The following MMP21 variants were observed in gnomAD, a reference collection of about 807,000 sequenced individuals.
MMP21 encodes matrix metallopeptidase 21, also known as matrix metalloproteinase-21.
Under a neutral mutation model 47.8 loss-of-function variants are expected in MMP21, and 40 were observed. That is an observed-to-expected ratio of 0.84 (90% CI 0.65 to 1.09). The LOEUF (loss-of-function observed/expected upper bound fraction) is 1.09, where lower values mean the gene tolerates loss of function less well. Among genes scored for constraint, MMP21 ranks in the 50% least tolerant of loss-of-function variants. The probability of loss-of-function intolerance (pLI) is 0.00; values close to 1 mark genes in which losing one functional copy is unlikely to be tolerated. For synonymous variants in MMP21, 341 were observed against 318.0 expected (o/e 1.07, Z -0.77); for missense variants, 747 against 775.3 (o/e 0.96, Z 0.43).
In MMP21 at chr10:125,772,604, C is replaced by T. The variant is rs1409796871; in HGVS notation, c.837+7G>A. 3.1e-6 allele frequency: 5 copies of T among 1,614,236 alleles called. No homozygotes were observed. The Admixed American group carries it at 8.3e-5, about 27-fold the overall frequency. ...TCTTATCAACACAGTGGCTCAGGAC[C>T]ACTGACCTTGAGAAGGCTGATGCCC... is the stretch of plus-strand genomic sequence containing the variant. On this transcript the variant is annotated splice_region_variant and intron_variant, in intron 3 of 6. Transcript: ENST00000368808. The surrounding 1 kb of genome is among the most constrained non-coding windows in gnomAD (Gnocchi z 5.6).
Position 125,772,726 on chromosome 10 carries a change from G to A in MMP21, c.722C>T (p.Ala241Val). ...AAACTCCTGCCCGCTCCCATCGAAG[G>A]CCCGCGGACAGCCCAGGTGCCGGCC... ...GRGRHLGCPR[A>V]FDGSGQEFAH... is the part of the protein sequence containing the mutation. Residue 241 changes from alanine to valine, a missense_variant, in exon 3 of 7, where the codon GCC (alanine) becomes GTC (valine). Transcript: ENST00000368808. The surrounding 1 kb of genome is among the most constrained non-coding windows in gnomAD (Gnocchi z 5.6). 6.2e-7 allele frequency: 1 copy of A among 1,614,028 alleles called. No homozygotes were observed.
In MMP21 at chr10:125,772,664, C is replaced by T. The variant is rs773356730; in HGVS notation, c.784G>A (p.Asp262Asn). ...GTGGGAGGTGTGAAGTGCTCGTCGT[C>T]GTCAAAGTGAATGTCACCTAGGCGC... ...AWRLGDIHFD[D>N]DEHFTPPTSD... The change falls in exon 3 of 7, where the codon GAC becomes AAC. Residue 262 changes from aspartate (D) to asparagine (N), a missense_variant. Physicochemically the swap from Asp to Asn is conservative, Grantham distance 23. Transcript: ENST00000368808. The surrounding 1 kb of genome is among the most constrained non-coding windows in gnomAD (Gnocchi z 5.6). 15 of 1,614,098 alleles carry T rather than the reference C, an allele frequency of 9.3e-6. No homozygotes were observed. Among genetic ancestry groups the T allele is most frequent in the Middle Eastern group, 1.6e-4 (1 of 6,082 alleles).
In MMP21 at chr10:125,773,818, G is replaced by C. The variant is rs368150369; in HGVS notation, c.697+13C>G. On this transcript the variant is annotated intron_variant, in intron 2 of 6. Coordinates refer to ENST00000368808, the MANE Select transcript of MMP21 (RefSeq NM_147191.1). This position sits in a 1 kb window ranked among gnomAD's most constrained non-coding sequence, Gnocchi z 4.8. ...GCTGGGTCGGGCAGGCAGGGAGCCCGGGGTGCTCTTACCTCTCCCAAAGCC... is the reference window on the plus strand; with the variant it reads ...GCTGGGTCGGGCAGGCAGGGAGCCCCGGGTGCTCTTACCTCTCCCAAAGCC... The C allele has an allele frequency of 1.1e-5, 17 of 1,502,658 alleles. No individual in the cohort carries two copies. Among genetic ancestry groups the C allele is most frequent in the Non-Finnish European group, 1.5e-5 (17 of 1,131,584 alleles). The allele number at this position is 1,502,658 out of a possible 1,614,324, so 93.1% of individuals were successfully genotyped here.
Position 125,774,114 on chromosome 10 carries a change from G to C in MMP21, c.414C>G (p.Pro138=), listed in dbSNP as rs1193117055. 2.3e-6 allele frequency: 3 copies of C among 1,320,924 alleles called. No homozygotes were observed. Among genetic ancestry groups the C allele is most frequent in the African/African-American group, 3.1e-5 (2 of 64,618 alleles). The allele number at this position is 1,320,924 out of a possible 1,614,324, so 81.8% of individuals were successfully genotyped here. A position where few individuals can be genotyped will look rare whatever the true frequency, so the allele number is the denominator to read the frequency against. ...SAPPSPPGPP[P]RARSRRSPRA... ...GCGGGGAGCGCCTGGAGCGGGCTCT[G>C]GGGGGCGGGCCCGGGGGCGAAGGCG... is the stretch of plus-strand genomic sequence containing the variant. Residue 138 remains proline, a synonymous_variant, in exon 2 of 7, where the codon CCC becomes CCG. Coordinates refer to ENST00000368808, the MANE Select transcript of MMP21 (RefSeq NM_147191.1).
chr10:125,770,452 C>T lies in MMP21; in HGVS notation c.1119G>A (p.Arg373=), dbSNP rs142863684. ...WYWLYENRNN[R]TRYGDPIQIL... ...TTTGGATAGGGTCCCCATAGCGTGT[C>T]CTATTGTTTCGATTTTCATAAAGCC... is the stretch of plus-strand genomic sequence containing the variant. The change falls in exon 5 of 7, where the codon AGG becomes AGA. Residue 373 remains arginine, a synonymous_variant. Transcript: ENST00000368808. The T allele has an allele frequency of 1.1e-5, 18 of 1,614,036 alleles. No individual in the cohort carries two copies. Among genetic ancestry groups the T allele is most frequent in the South Asian group, 3.3e-5 (3 of 91,088 alleles).
chr10:125,772,709 GC>G lies in MMP21; in HGVS notation c.738del (p.Gln247ArgfsTer9). The G allele has an allele frequency of 6.2e-7, 1 of 1,614,152 alleles. No homozygotes were observed. The highest frequency in any genetic ancestry group is 8.5e-7 in the Non-Finnish European group (1 of 1,180,020). ...LGCPRAFDGS[G>X]QEFAHAWRLG... ...AGGCGCCAGGCGTGTGCAAACTCCT[GC>G]CCGCTCCCATCGAAGGCCCGCGGAC... is the stretch of plus-strand genomic sequence containing the variant. On this transcript the variant is annotated frameshift_variant, in exon 3 of 7. Coordinates refer to ENST00000368808, the MANE Select transcript of MMP21 (RefSeq NM_147191.1). LOFTEE classifies it high-confidence loss of function. The surrounding 1 kb of genome is among the most constrained non-coding windows in gnomAD (Gnocchi z 5.6).
In MMP21 at chr10:125,772,126, C is replaced by T. The variant is rs1850452888; in HGVS notation, c.979+92G>A. ...TTGTACAACGTTGCGCTCTTAGGCC[C>T]AGTTTCCCAGTGAGGAGTGAGCGGG... On this transcript the variant is annotated intron_variant, in intron 4 of 6. Transcript: ENST00000368808. This position sits in a 1 kb window ranked among gnomAD's most constrained non-coding sequence, Gnocchi z 5.6. 1 of 1,480,694 alleles carries T rather than the reference C, an allele frequency of 6.8e-7. No homozygotes were observed. Among genetic ancestry groups the T allele is most frequent in the Admixed American group, 1.8e-5 (1 of 55,564 alleles). The allele number at this position is 1,480,694 out of a possible 1,614,324, so 91.7% of individuals were successfully genotyped here.
In MMP21 at chr10:125,772,834, C is replaced by T. The variant is rs1850467332; in HGVS notation, c.698-84G>A. The T allele has an allele frequency of 2.7e-6, 4 of 1,489,070 alleles. No homozygotes were observed. The highest frequency in any genetic ancestry group is 3.7e-6 in the Non-Finnish European group (4 of 1,095,588). 92.2% of individuals were successfully genotyped at this position (1,489,070 alleles called of 1,614,324 possible). ...CCTCACCTAGGGGGTCCCCAGCCTC[C>T]AGGAGCCGGCAGCAGAGGTAGACAG... is the stretch of plus-strand genomic sequence containing the variant. On this transcript the variant is annotated intron_variant, in intron 2 of 6. Transcript: ENST00000368808. The surrounding 1 kb of genome is among the most constrained non-coding windows in gnomAD (Gnocchi z 5.6).
chr10:125,767,653 T>C lies in MMP21; in HGVS notation c.1289A>G (p.Asp430Gly), dbSNP rs1850400816. The change falls in exon 6 of 7, where the codon GAT becomes GGT. Residue 430 changes from aspartate (D) to glycine (G), a missense_variant. Physicochemically the swap from Asp to Gly is moderately conservative, Grantham distance 94. Coordinates refer to ENST00000368808, the MANE Select transcript of MMP21 (RefSeq NM_147191.1). ...DSDKDQALTEDEQGKSYPKLI... is the reference protein window; with the variant it reads ...DSDKDQALTEGEQGKSYPKLI... ...TTTGGGATAGCTTTTTCCTTGTTCATCTTCTGTGAGGGCCTGATCCTTGTC... is the reference window on the plus strand; with the variant it reads ...TTTGGGATAGCTTTTTCCTTGTTCACCTTCTGTGAGGGCCTGATCCTTGTC... 2 of 1,614,090 alleles carry C rather than the reference T, an allele frequency of 1.2e-6. No individual in the cohort carries two copies. Among genetic ancestry groups the C allele is most frequent in the Non-Finnish European group, 8.5e-7 (1 of 1,180,044 alleles).
intron 5 of MMP21, among the ~76,000 whole-genome samples, chr10:125,769,331 G>T (rs1366329162): frequency 1.3e-5 from 2 of 152,186 alleles, no homozygotes; most frequent in Non-Finnish European, 2.9e-5. Flanking sequence ...TCCATGTTGA[G>T]CAATTGCCAT....
intron 1 of MMP21, 35 bp downstream of exon 1, chr10:125,775,625 C>G (rs752974312): frequency 1.3e-6 from 2 of 1,573,950 alleles, no homozygotes; most frequent in South Asian, 2.3e-5. Context: ...GTGCACGGGC[C>G]TGGGGGTATT....
chr10:125,771,927 G>A (rs573192078), intron 4 of MMP21, among the ~76,000 whole-genome samples: 6 of 152,056 alleles, frequency 3.9e-5, no homozygotes, highest in Admixed American at 6.5e-5. Flanking sequence ...GCCACAGCAC[G>A]GGTTGGGGGC....
At position 125,773,317 on chromosome 10, in the gene MMP21, A is replaced by G. The variant is rs1850475090; in HGVS notation, c.697+514T>C. On this transcript the variant is annotated intron_variant, in intron 2 of 6. Coordinates refer to ENST00000368808, the MANE Select transcript of MMP21 (RefSeq NM_147191.1). The surrounding 1 kb of genome is among the most constrained non-coding windows in gnomAD (Gnocchi z 4.8). Reference sequence around the variant, plus strand: ...TTTGTGGGTATCCCAGATCCCACCCATCCTTGAGTCTAGGCCAAGACCGGA... The same window carrying G: ...TTTGTGGGTATCCCAGATCCCACCCGTCCTTGAGTCTAGGCCAAGACCGGA... 6.6e-6 allele frequency among the ~76,000 whole-genome samples: 1 copy of G among 151,962 alleles called. No individual in the cohort carries two copies. Among genetic ancestry groups the G allele is most frequent in the Non-Finnish European group, 1.5e-5 (1 of 67,986 alleles).
rs28381290 is a variant in MMP21 at position 125,772,841 on chromosome 10, C to T, written c.698-91G>A. ...TAGGGGGTCCCCAGCCTCCAGGAGC[C>T]GGCAGCAGAGGTAGACAGAGTGGCA... On this transcript the variant is annotated intron_variant, in intron 2 of 6. Coordinates refer to ENST00000368808, the MANE Select transcript of MMP21 (RefSeq NM_147191.1). The surrounding 1 kb of genome is among the most constrained non-coding windows in gnomAD (Gnocchi z 5.6). The T allele has an allele frequency of 1.1e-3, 1,543 of 1,462,876 alleles. 28 individuals carry two copies. The East Asian group carries it at 0.022, about 21-fold the overall frequency. The allele number at this position is 1,462,876 out of a possible 1,614,324, so 90.6% of individuals were successfully genotyped here.
At position 125,773,827 on chromosome 10, in the gene MMP21, T is replaced by C. The variant is rs1850480050; in HGVS notation, c.697+4A>G. On this transcript the variant is annotated splice_donor_region_variant and intron_variant, in intron 2 of 6. Coordinates refer to ENST00000368808, the MANE Select transcript of MMP21 (RefSeq NM_147191.1). The surrounding 1 kb of genome is among the most constrained non-coding windows in gnomAD (Gnocchi z 4.8). The stretch of plus-strand genomic sequence containing the variant: ...GGCAGGCAGGGAGCCCGGGGTGCTC[T>C]TACCTCTCCCAAAGCCCAGCTTGAT... The C allele has an allele frequency of 2.0e-6, 3 of 1,528,638 alleles. No individual in the cohort carries two copies. Among genetic ancestry groups the C allele is most frequent in the Non-Finnish European group, 1.7e-6 (2 of 1,144,784 alleles). 94.7% of individuals were successfully genotyped at this position (1,528,638 alleles called of 1,614,324 possible).
At position 125,768,409 on chromosome 10, in the gene MMP21, T is replaced by G. The variant is rs534091420; in HGVS notation, c.1238-705A>C. 1.3e-5 allele frequency among the ~76,000 whole-genome samples: 2 copies of G among 152,378 alleles called. 1 individual carries two copies. The highest frequency in any genetic ancestry group is 4.8e-5 in the African/African-American group (2 of 41,586). On this transcript the variant is annotated intron_variant, in intron 5 of 6. Transcript: ENST00000368808. Reference sequence around the variant, plus strand: ...GCTCCATTTTGTTTCAGAGTTCAGATGCTCATTTCGTGCTCTAAATCAGTA... The same window carrying G: ...GCTCCATTTTGTTTCAGAGTTCAGAGGCTCATTTCGTGCTCTAAATCAGTA...
Position 125,770,334 on chromosome 10 carries a change from C to T in MMP21, c.1237G>A (p.Gly413Arg). The part of the protein sequence containing the change: ...WKRDERYFFQ[G>R]NQYWRYDSDK... ...AGAACCATCCATGAAGAATCTGTAC[C>T]TTGAAAAAAATAACGTTCATCTCTT... The change falls in exon 5 of 7, where the codon GGA becomes AGA. Residue 413 changes from glycine to arginine, a missense_variant and splice_region_variant. Physicochemically the swap from Gly to Arg is moderately radical, Grantham distance 125. Transcript: ENST00000368808. 6.2e-7 allele frequency: 1 copy of T among 1,614,012 alleles called. No individual in the cohort carries two copies. Among genetic ancestry groups the T allele is most frequent in the Non-Finnish European group, 8.5e-7 (1 of 1,179,956 alleles).
chr10:125,771,714 G>T (rs1850448107), intron 4 of MMP21, among the ~76,000 whole-genome samples: 1 of 152,160 alleles, frequency 6.6e-6, no homozygotes, highest in Non-Finnish European at 1.5e-5. Flanking sequence ...AGGGACCTTT[G>T]AATGGAAAAG....
chr10:125,770,602 C>A lies in MMP21; in HGVS notation c.980-11G>T, dbSNP rs778105877. 6.2e-6 allele frequency: 10 copies of A among 1,609,306 alleles called. No homozygotes were observed. The highest frequency in any genetic ancestry group is 1.7e-5 in the Admixed American group (1 of 59,184). ...ATCCCTCACAGGAGCCTTAAAAAAACAAACAAAAAACAGCCACTTGTCACA... is the reference window on the plus strand; with the variant it reads ...ATCCCTCACAGGAGCCTTAAAAAAAAAAACAAAAAACAGCCACTTGTCACA... On this transcript the variant is annotated splice_polypyrimidine_tract_variant and intron_variant, in intron 4 of 6. Transcript: ENST00000368808.
Sources: gnomAD v4.1 joint callset for allele counts (sites outside exome capture counted in the v4.1 genomes callset) on GRCh38, gnomAD v4.1.1 for gene constraint, Gnocchi (gnomAD v3.1) non-coding constraint, MANE v1.5 for transcripts, NCBI Gene and HGNC (gene_info 2026-07-23, HGNC 2026-07-21) for gene names.